The following PRKG1 variants were observed in gnomAD, a reference collection of about 807,000 sequenced individuals.
PRKG1 encodes the protein cGMP-dependent protein kinase 1.
In PRKG1, 35 loss-of-function variants were observed where a neutral mutation model predicts 88.1. The observed-to-expected ratio is 0.40, with a 90% CI of 0.30 to 0.53. The LOEUF (loss-of-function observed/expected upper bound fraction) is 0.53, where lower values mean the gene tolerates loss of function less well. PRKG1 is among the 20% of genes least tolerant of loss of function. The pLI is 0.59. For missense variants in PRKG1, 540 were observed against 839.8 expected (o/e 0.64, Z 4.41); for synonymous variants, 303 against 292.5 (o/e 1.04, Z -0.37).
At position 52,006,096 on chromosome 10, in the gene PRKG1, C is replaced by CAA. The variant is rs759082412; in HGVS notation, c.763-48386_763-48385dup. 4.8e-3 allele frequency among the ~76,000 whole-genome samples: 443 copies of CAA among 92,506 alleles called. 1 individual carries two copies. The highest frequency in any genetic ancestry group is 6.2e-3 in the Non-Finnish European group (297 of 47,706). The allele number at this position is 92,506 out of a possible 152,430, so 60.7% of individuals were successfully genotyped here. A position where few individuals can be genotyped will look rare whatever the true frequency, so the allele number is the denominator to read the frequency against. ...GATAAAAGAAAACAAAACAAACAAA[C>CAA]AAACAAAAAAAACAAGTCTATCAAA... is the stretch of plus-strand genomic sequence containing the variant. On this transcript the variant is annotated intron_variant, in intron 5 of 17. Transcript: ENST00000373980.
Position 50,991,377 on chromosome 10 carries a change from A to C in PRKG1, c.-2A>C, listed in dbSNP as rs755188328. 2.6e-6 allele frequency: 4 copies of C among 1,528,182 alleles called. No homozygotes were observed. The East Asian group carries it at 1.1e-4, about 41-fold the overall frequency. 94.7% of individuals were successfully genotyped at this position (1,528,182 alleles called of 1,614,324 possible). On this transcript the variant is annotated 5_prime_UTR_variant, in exon 1 of 18. Coordinates refer to the PRKG1 transcript ENST00000401604. This position sits in a 1 kb window ranked among gnomAD's most constrained non-coding sequence, Gnocchi z 4.5. ...AGTTTCGCGGAGGGGCTCAGTGAAA[A>C]AATGAGCGAGCTAGAGGAAGACTTT...
chr10:52,040,185 C>T (rs953572105), intron 5 of PRKG1, among the ~76,000 whole-genome samples: 3 of 152,190 alleles, frequency 2.0e-5, no homozygotes, highest in Non-Finnish European at 2.9e-5. Flanking sequence ...ATTCTACATA[C>T]ATTTGACCTG....
chr10:51,460,208 G>A (rs1839709937), intron 2 of PRKG1, among the ~76,000 whole-genome samples: 1 of 151,976 alleles, frequency 6.6e-6, no homozygotes, highest in South Asian at 2.1e-4. Context: ...ATTGCCCCCA[G>A]TTGAGATCTG....
At chr10:51,680,734 C>T (rs369181637) in intron 3 of PRKG1, among the ~76,000 whole-genome samples, 7 of 152,304 alleles carry the variant, frequency 4.6e-5, no homozygotes, top group East Asian at 3.9e-4. Flanking sequence ...TCTTTCTAGA[C>T]GGTCTAGCCT....
At chr10:51,369,243 A>C (rs1588887296) in intron 2 of PRKG1, among the ~76,000 whole-genome samples, 1 of 152,010 alleles carries the variant, frequency 6.6e-6, no homozygotes, top group Admixed American at 6.6e-5. Flanking sequence ...GTGGCTTATA[A>C]ACAATAGAAA....
intron 9 of PRKG1, among the ~76,000 whole-genome samples, chr10:52,210,676 A>G (rs993735922): frequency 1.3e-5 from 2 of 152,202 alleles, no homozygotes; most frequent in Admixed American, 6.5e-5. Context: ...ATATCTGCTA[A>G]TTTTATTCAA....
intron 2 of PRKG1, among the ~76,000 whole-genome samples, chr10:51,273,739 T>C (rs1395544856): frequency 6.6e-6 from 1 of 152,212 alleles, no homozygotes; most frequent in East Asian, 1.9e-4. Flanking sequence ...TGACAATATC[T>C]GGCTGGGGAA....
chr10:51,258,073 G>T (rs1347433939), intron 2 of PRKG1, among the ~76,000 whole-genome samples: 4 of 152,142 alleles, frequency 2.6e-5, no homozygotes, highest in Non-Finnish European at 5.9e-5. Context: ...TGAATCCACA[G>T]GGAAGGCTTA....
intron 1 of PRKG1, among the ~76,000 whole-genome samples, chr10:51,132,679 G>A (rs552765003): frequency 1.6e-4 from 23 of 147,532 alleles, no homozygotes; most frequent in Middle Eastern, 3.6e-3. Flanking sequence ...CGTACATACC[G>A]TATGTATTTT....
intron 3 of PRKG1, among the ~76,000 whole-genome samples, chr10:51,493,656 G>A (rs1840768869): frequency 6.6e-6 from 1 of 152,062 alleles, no homozygotes; most frequent in Non-Finnish European, 1.5e-5. Context: ...TTTAGTGAAG[G>A]AAAAAATTGA....
At chr10:52,145,086 G>T (rs1385170392) in intron 8 of PRKG1, among the ~76,000 whole-genome samples, 1 of 152,130 alleles carries the variant, frequency 6.6e-6, no homozygotes, top group Non-Finnish European at 1.5e-5. Context: ...GATGTCCATT[G>T]GCAGTTAGAA....
At chr10:51,292,404 A>G (rs1421455881) in intron 2 of PRKG1, among the ~76,000 whole-genome samples, 1 of 152,196 alleles carries the variant, frequency 6.6e-6, no homozygotes, top group Non-Finnish European at 1.5e-5. Flanking sequence ...GACAAGTGAC[A>G]TAGGCCTGCT....
At chr10:52,052,049 T>TC (rs1254471611) in intron 5 of PRKG1, among the ~76,000 whole-genome samples, 1 of 152,214 alleles carries the variant, frequency 6.6e-6, no homozygotes, top group Admixed American at 6.5e-5. Context: ...CGGTATCTAC[T>TC]ATGTGTGACT....
At chr10:52,062,803 G>A in intron 7 of PRKG1, 172 bp downstream of exon 7, 1 of 725,810 alleles carries the variant, frequency 1.4e-6, no homozygotes, top group Non-Finnish European at 2.6e-6. Flanking sequence ...CTTGGAATCT[G>A]TTTGAATACG....
At chr10:51,004,853 GA>G (rs1842925542) in intron 1 of PRKG1, among the ~76,000 whole-genome samples, 1 of 152,074 alleles carries the variant, frequency 6.6e-6, no homozygotes, top group Non-Finnish European at 1.5e-5. Context: ...CCTTCTCTAA[GA>G]ATCATAATGA....
intron 9 of PRKG1, among the ~76,000 whole-genome samples, chr10:52,239,327 AAAATAAAT>A (rs1344207405): frequency 1.6e-5 from 2 of 124,064 alleles, no homozygotes; most frequent in African/African-American, 5.6e-5. Context: ...ATAATAAAAA[AAAATAAAT>A]AAATAAAATT....
chr10:52,138,428 A>C (rs978822329), intron 8 of PRKG1, among the ~76,000 whole-genome samples: 2 of 152,152 alleles, frequency 1.3e-5, no homozygotes, highest in Non-Finnish European at 2.9e-5. Flanking sequence ...AAAATCAATT[A>C]GAAAGAAAAC....
At chr10:51,705,490 A>G (rs960361003) in intron 3 of PRKG1, among the ~76,000 whole-genome samples, 1 of 152,318 alleles carries the variant, frequency 6.6e-6, no homozygotes, top group Admixed American at 6.5e-5. Context: ...AGTCTTGATA[A>G]CAGTCTTATG....
chr10:51,254,544 TAAC>T (rs1198179406), intron 2 of PRKG1, among the ~76,000 whole-genome samples: 2 of 151,912 alleles, frequency 1.3e-5, no homozygotes, highest in Non-Finnish European at 2.9e-5. Flanking sequence ...AGTAAAACAA[TAAC>T]AACACCTTAC....
Sources: allele counts gnomAD v4.1 joint callset (sites outside exome capture counted in the v4.1 genomes callset), GRCh38; gene constraint gnomAD v4.1.1; non-coding constraint Gnocchi (gnomAD v3.1); transcripts MANE v1.5; gene names NCBI Gene and HGNC (gene_info 2026-07-23, HGNC 2026-07-21).